GBF1: variants seen among roughly 807,000 people sequenced by gnomAD.
GBF1 encodes the protein Golgi-specific brefeldin A-resistance guanine nucleotide exchange factor 1.
A neutral mutation model predicts 210.5 loss-of-function variants in GBF1; 114 were observed. The observed-to-expected ratio is 0.54, with a 90% CI of 0.47 to 0.63. The LOEUF (loss-of-function observed/expected upper bound fraction) is 0.63, where lower values mean the gene tolerates loss of function less well. GBF1 is among the 30% of genes least tolerant of loss of function. The pLI, the probability that GBF1 is intolerant of heterozygous loss-of-function variation, is 0.00. For synonymous variants in GBF1, 850 were observed against 889.2 expected (o/e 0.96, Z 0.78); for missense variants, 1,851 against 2,357.7 (o/e 0.79, Z 4.45).
chr10:102,317,207 G>C (rs1039091727), intron 3 of GBF1, among the ~76,000 whole-genome samples: 1 of 152,106 alleles, frequency 6.6e-6, no homozygotes, highest in Non-Finnish European at 1.5e-5. Context: ...TGAGATGGGA[G>C]AATCGCTTAG....
intron 12 of GBF1, among the ~76,000 whole-genome samples, 174 bp from the exon 13 acceptor site, chr10:102,360,848 G>A (rs1407750059): frequency 1.3e-5 from 2 of 152,058 alleles, no homozygotes; most frequent in African/African-American, 4.8e-5. Flanking sequence ...GGTGACGTGC[G>A]CCTGTAATCC....
At chr10:102,232,693 A>G in the GBF1 span, among the ~76,000 whole-genome samples, 1 of 147,378 alleles carries the variant, frequency 6.8e-6, no homozygotes, top group East Asian at 2.0e-4. Flanking sequence ...AAAAACAACA[A>G]CAACAAAATC....
chr10:102,377,222 A>T (rs1441939233), intron 33 of GBF1, 82 bp downstream of exon 33: 1 of 1,129,400 alleles, frequency 8.9e-7, no homozygotes, highest in Admixed American at 1.8e-5. Flanking sequence ...GCCAGGGCTG[A>T]GGGGAAGGGC....
intron 35 of GBF1, 92 bp from the exon 36 acceptor site, chr10:102,379,761 T>C: frequency 6.8e-7 from 1 of 1,471,858 alleles, no homozygotes; most frequent in Non-Finnish European, 9.5e-7. Context: ...TACCTTCCCT[T>C]CAGCTCTATG....
chr10:102,300,239 TG>T (rs1263625015), intron 3 of GBF1, among the ~76,000 whole-genome samples: 1 of 152,226 alleles, frequency 6.6e-6, no homozygotes, highest in Admixed American at 6.5e-5. Flanking sequence ...AAATTTGGAC[TG>T]AGCAAACTGG....
chr10:102,231,130 G>A, the GBF1 span: 1 of 1,492,472 alleles, frequency 6.7e-7, no homozygotes, highest in Non-Finnish European at 8.9e-7. Flanking sequence ...GGCGGTCAGG[G>A]CCCGGGGCCG....
At chr10:102,304,868 C>T (rs1022566017) in intron 3 of GBF1, among the ~76,000 whole-genome samples, 1 of 151,464 alleles carries the variant, frequency 6.6e-6, no homozygotes, top group African/African-American at 2.4e-5. Context: ...TTATACAAGC[C>T]GGGTGTGGTG....
intron 3 of GBF1, among the ~76,000 whole-genome samples, chr10:102,292,495 C>T (rs1049548916): frequency 6.6e-6 from 1 of 152,124 alleles, no homozygotes; most frequent in Admixed American, 6.6e-5. Context: ...TCTCCAATAG[C>T]TGGGGCTACA....
At chr10:102,242,786 G>A (rs1028732601), upstream of GBF1, among the ~76,000 whole-genome samples, 1 of 152,130 alleles carries the variant, frequency 6.6e-6, no homozygotes, top group East Asian at 1.9e-4. Flanking sequence ...AAAATTAGCC[G>A]GGCTTGGTGG....
chr10:102,297,946 T>C (rs1337465890), intron 3 of GBF1, among the ~76,000 whole-genome samples: 1 of 152,116 alleles, frequency 6.6e-6, no homozygotes, highest in East Asian at 1.9e-4. Flanking sequence ...TTGGTTTTGG[T>C]TTTTTTGAGA....
intron 3 of GBF1, among the ~76,000 whole-genome samples, chr10:102,270,647 A>C (rs1004176186): frequency 6.6e-6 from 1 of 152,210 alleles, no homozygotes; most frequent in Non-Finnish European, 1.5e-5. Context: ...TCACCCCTAA[A>C]TACTTCAGCA....
At chr10:102,338,237 CTTTTTTTTTTTT>C (rs398046214) in intron 3 of GBF1, among the ~76,000 whole-genome samples, 6 of 114,166 alleles carry the variant, frequency 5.3e-5, no homozygotes, top group African/African-American at 2.0e-4. Context: ...CAACCTTCTT[CTTTTTTTTTTTT>C]TTTTTTTTTG....
At chr10:102,231,233 G>T in the GBF1 span, 2 of 921,300 alleles carry the variant, frequency 2.2e-6, no homozygotes, top group Non-Finnish European at 3.1e-6. Context: ...GAGACGGGGT[G>T]GGAGGGAAGG....
intron 3 of GBF1, among the ~76,000 whole-genome samples, chr10:102,301,443 A>G (rs1025140808): frequency 1.3e-5 from 2 of 152,184 alleles, no homozygotes; most frequent in African/African-American, 4.8e-5. Context: ...CCCCTTTTCT[A>G]TTCGACAAAA....
At chr10:102,335,643 A>T (rs78044972) in intron 3 of GBF1, among the ~76,000 whole-genome samples, 1 of 152,290 alleles carries the variant, frequency 6.6e-6, no homozygotes, top group East Asian at 1.9e-4. Context: ...TCCTGTTTCC[A>T]CTACTAGCTA....
intron 36 of GBF1, 112 bp downstream of exon 36, chr10:102,380,066 C>T: frequency 1.3e-6 from 1 of 775,644 alleles, no homozygotes; most frequent in East Asian, 2.6e-5. Flanking sequence ...CTCACAACCC[C>T]CCAGCTATGG....
rs752490724 is a variant in GBF1 at position 102,358,685 on chromosome 10, C to A, written c.967C>A (p.Pro323Thr). 2.5e-6 allele frequency: 4 copies of A among 1,614,042 alleles called. No individual in the cohort carries two copies. The South Asian group carries it at 4.4e-5, about 18-fold the overall frequency. ...TCCAGGGTACAGCACAGCTACAGAG[C>A]CTGGAAGCAGTGAGCTAGGTGTTCC... ...GSPGYSTATE[P>T]GSSELGVPEQ... Residue 323 changes from proline (P) to threonine (T), a missense_variant, in exon 10 of 40, where the codon CCT becomes ACT. Pro to Thr is a conservative substitution (Grantham distance 38). This residue lies in a region of GBF1 where 804 missense variants were observed against 958.6 expected (regional missense o/e 0.84). Coordinates refer to ENST00000369983, the MANE Select transcript of GBF1 (RefSeq NM_001377137.1).
intron 3 of GBF1, among the ~76,000 whole-genome samples, chr10:102,271,659 T>A (rs910044577): frequency 6.6e-6 from 1 of 152,150 alleles, no homozygotes; most frequent in African/African-American, 2.4e-5. Context: ...CTAAAAGGAT[T>A]AAAAGCTTGA....
intron 8 of GBF1, among the ~76,000 whole-genome samples, chr10:102,357,394 G>A (rs923209641): frequency 5.9e-5 from 9 of 151,934 alleles, no homozygotes; most frequent in Admixed American, 5.9e-4. Flanking sequence ...GGCTGAGGCA[G>A]GAGAATCACT....
Sources: gnomAD v4.1 joint callset for allele counts (sites outside exome capture counted in the v4.1 genomes callset) on GRCh38, gnomAD v4.1.1 for gene constraint, gnomAD v4.1.1 regional missense constraint, MANE v1.5 for transcripts, NCBI Gene and HGNC (gene_info 2026-07-23, HGNC 2026-07-21) for gene names.